The following ANKRD33B variants were observed in gnomAD, a reference collection of about 807,000 sequenced individuals.
ANKRD33B encodes ankyrin repeat domain-containing protein 33B.
Under a neutral mutation model 21.5 loss-of-function variants are expected in ANKRD33B, and 6 were observed. The ratio of observed to expected loss-of-function variants is 0.28; its 90% CI spans 0.15 to 0.55. The LOEUF (loss-of-function observed/expected upper bound fraction) is 0.55, where lower values mean the gene tolerates loss of function less well. Among genes scored for constraint, ANKRD33B ranks in the 20% least tolerant of loss-of-function variants. The pLI is 0.94. For missense variants in ANKRD33B, 698 were observed against 747.2 expected (o/e 0.93, Z 0.77); for synonymous variants, 347 against 342.4 (o/e 1.01, Z -0.15).
At chr5:10,638,681 G>A (rs1231601634) in intron 3 of ANKRD33B, among the ~76,000 whole-genome samples, 1 of 152,118 alleles carries the variant, frequency 6.6e-6, no homozygotes, top group Admixed American at 6.6e-5. Flanking sequence ...GGGAGGTGAC[G>A]TGGAGTTGCA....
At chr5:10,592,807 C>G (rs902840679) in intron 1 of ANKRD33B, among the ~76,000 whole-genome samples, 8 of 152,266 alleles carry the variant, frequency 5.3e-5, no homozygotes, top group Non-Finnish European at 1.2e-4. Flanking sequence ...ATCATAGCTA[C>G]TCTTGGTTTG....
chr5:10,624,169 G>A (rs1051836624), intron 2 of ANKRD33B, among the ~76,000 whole-genome samples: 9 of 120,600 alleles, frequency 7.5e-5, no homozygotes, highest in Admixed American at 1.1e-4. Context: ...TTGCTCTATC[G>A]CCCAGGCTGG....
rs61137870 is a variant in ANKRD33B, at chr5:10,612,807, A to C, written c.367-5526A>C. 4.7e-3 allele frequency among the ~76,000 whole-genome samples: 713 copies of C among 152,356 alleles called. 3 individuals carry two copies. The highest frequency in any genetic ancestry group is 0.016 in the African/African-American group (681 of 41,578). The stretch of plus-strand genomic sequence containing the variant: ...CTGAGATGATTGAAACTTGCCTAAA[A>C]TAGTTTACCCAGCAAATCACACATG... On this transcript the variant is annotated intron_variant, in intron 1 of 3. Coordinates refer to ENST00000296657, the MANE Select transcript of ANKRD33B (RefSeq NM_001164440.2).
rs1734988346 is a variant in ANKRD33B at position 10,564,201 on chromosome 5, G to A, written c.-267G>A. 6.5e-6 allele frequency: 1 copy of A among 154,856 alleles called. No individual in the cohort carries two copies. The highest frequency in any genetic ancestry group is 1.4e-5 in the Non-Finnish European group (1 of 69,948). The allele number at this position is 154,856 out of a possible 1,614,324, so 9.6% of individuals were successfully genotyped here. A position where few individuals can be genotyped will look rare whatever the true frequency, so the allele number is the denominator to read the frequency against. ...TGGCCAGGAAGGGGCGCGAGGGGAA[G>A]GCCCCGGGGGAAGGCGTGTCCCCGC... On this transcript the variant is annotated 5_prime_UTR_variant, in exon 1 of 4. Transcript: ENST00000296657.
chr5:10,564,698 G>GGGCGTCCCGGAA lies in ANKRD33B; in HGVS notation c.232_243dup (p.Gly78_Glu81dup). 2 of 1,533,688 alleles carry GGGCGTCCCGGAA rather than the reference G, an allele frequency of 1.3e-6. No homozygotes were observed. Among genetic ancestry groups the GGGCGTCCCGGAA allele is most frequent in the Non-Finnish European group, 1.7e-6 (2 of 1,145,758 alleles). On this transcript the variant is annotated inframe_insertion, in exon 1 of 4. Transcript: ENST00000296657. ...TCGAGAGCGCGGAGAGCGTCCCGGAGGGCGTCCCGGAAAGCGTCCCGGAGA... is the reference window on the plus strand; with the variant it reads ...TCGAGAGCGCGGAGAGCGTCCCGGAGGGCGTCCCGGAAGGCGTCCCGGAAAGCGTCCCGGAGA...
At chr5:10,587,195 A>G (rs1967519) in intron 1 of ANKRD33B, among the ~76,000 whole-genome samples, 54,005 of 151,754 alleles carry the variant, frequency 0.36, 11,236 homozygotes, top group East Asian at 0.61. Context: ...TTGTATTTTT[A>G]GTAGAGATGG....
chr5:10,584,388 A>C (rs960935082), intron 1 of ANKRD33B, among the ~76,000 whole-genome samples: 1 of 152,046 alleles, frequency 6.6e-6, no homozygotes, highest in Non-Finnish European at 1.5e-5. Flanking sequence ...TCTACAAAAA[A>C]TGCAAAAATT....
chr5:10,573,097 T>G (rs1235846496), intron 1 of ANKRD33B, among the ~76,000 whole-genome samples: 1 of 152,238 alleles, frequency 6.6e-6, no homozygotes, highest in Non-Finnish European at 1.5e-5. Flanking sequence ...TCTACCTCAA[T>G]TTCTGTATCT....
At chr5:10,623,944 GA>G (rs1383647347) in intron 2 of ANKRD33B, among the ~76,000 whole-genome samples, 1 of 152,128 alleles carries the variant, frequency 6.6e-6, no homozygotes, top group African/African-American at 2.4e-5. Context: ...CATGAGCAAG[GA>G]AATTAGAGGT....
chr5:10,641,652 A>T (rs766988732), intron 3 of ANKRD33B, among the ~76,000 whole-genome samples: 1 of 152,054 alleles, frequency 6.6e-6, no homozygotes, highest in Non-Finnish European at 1.5e-5. Flanking sequence ...CTCGAGATCA[A>T]TCTGGAGTTA....
At chr5:10,629,703 A>G (rs1736661412) in intron 2 of ANKRD33B, among the ~76,000 whole-genome samples, 1 of 152,122 alleles carries the variant, frequency 6.6e-6, no homozygotes, top group Admixed American at 6.5e-5. Flanking sequence ...TGTATGAGAT[A>G]AGGAGGGGGC....
At chr5:10,635,886 G>A (rs1161638512) in intron 2 of ANKRD33B, among the ~76,000 whole-genome samples, 1 of 152,240 alleles carries the variant, frequency 6.6e-6, no homozygotes, top group African/African-American at 2.4e-5. Context: ...GGGAGCAGAG[G>A]CCAAGGGCGC....
Position 10,576,966 on chromosome 5 carries a change from G to A in ANKRD33B, c.366+12133G>A, listed in dbSNP as rs1055802562. On this transcript the variant is annotated intron_variant, in intron 1 of 3. Coordinates refer to ENST00000296657, the MANE Select transcript of ANKRD33B (RefSeq NM_001164440.2). This position sits in a 1 kb window ranked among gnomAD's most constrained non-coding sequence, Gnocchi z 4.1. ...GGCCCAGGAAATGGAACAGAAGCCT[G>A]TTGTGGGTGGGAGGAGAATCGGAAG... 2.0e-5 allele frequency among the ~76,000 whole-genome samples: 3 copies of A among 152,166 alleles called. No individual in the cohort carries two copies. The highest frequency in any genetic ancestry group is 2.0e-4 in the Admixed American group (3 of 15,288).
chr5:10,629,864 A>G (rs1367246581), intron 2 of ANKRD33B, among the ~76,000 whole-genome samples: 1 of 152,172 alleles, frequency 6.6e-6, no homozygotes, highest in African/African-American at 2.4e-5. Context: ...TGAGTGGGAA[A>G]TGCTGGGGAG....
intron 2 of ANKRD33B, among the ~76,000 whole-genome samples, chr5:10,629,698 G>A (rs1736661364): frequency 6.6e-6 from 1 of 152,198 alleles, no homozygotes; most frequent in South Asian, 2.1e-4. Flanking sequence ...GAGAGTGTAT[G>A]AGATAAGGAG....
intron 2 of ANKRD33B, among the ~76,000 whole-genome samples, chr5:10,630,463 T>C (rs1420201375): frequency 1.3e-5 from 2 of 152,118 alleles, no homozygotes; most frequent in Admixed American, 1.3e-4. Flanking sequence ...GACAGAGAAC[T>C]GGGAAGTCAC....
chr5:10,620,072 A>G (rs1303194972), intron 2 of ANKRD33B, among the ~76,000 whole-genome samples: 1 of 152,064 alleles, frequency 6.6e-6, no homozygotes, highest in Non-Finnish European at 1.5e-5. Context: ...TGGGGACCAG[A>G]CCATTAAGGG....
intron 2 of ANKRD33B, among the ~76,000 whole-genome samples, chr5:10,620,104 T>C (rs1736386280): frequency 6.6e-6 from 1 of 152,012 alleles, no homozygotes; most frequent in Non-Finnish European, 1.5e-5. Flanking sequence ...TGCAAGGGAA[T>C]GTATTTCAGT....
chr5:10,607,649 C>A (rs555400722), intron 1 of ANKRD33B, among the ~76,000 whole-genome samples: 1 of 152,342 alleles, frequency 6.6e-6, no homozygotes, highest in South Asian at 2.1e-4. Flanking sequence ...TCTTCACAGA[C>A]CGTCGCCCAT....
Sources: allele counts gnomAD v4.1 joint callset (sites outside exome capture counted in the v4.1 genomes callset), GRCh38; gene constraint gnomAD v4.1.1; non-coding constraint Gnocchi (gnomAD v3.1); transcripts MANE v1.5; gene names NCBI Gene and HGNC (gene_info 2026-07-23, HGNC 2026-07-21).